MSH4: variants seen among roughly 807,000 people sequenced by gnomAD.
MSH4 encodes mutS protein homolog 4.
A neutral mutation model predicts 113.7 loss-of-function variants in MSH4; 106 were observed. The observed-to-expected ratio is 0.93, with a 90% CI of 0.80 to 1.10. The LOEUF is 1.10. Among genes scored for constraint, MSH4 ranks in the 50% least tolerant of loss-of-function variants. MSH4 has a pLI of 0.00. For missense variants in MSH4, 1,061 were observed against 1,093.7 expected, an observed-to-expected ratio of 0.97 and a Z score of 0.42; for synonymous variants, 368 against 380.2, an observed-to-expected ratio of 0.97 and a Z score of 0.37.
intron 1 of MSH4, 98 bp from the exon 2 acceptor site, chr1:75,803,632 GA>G (rs1038253119): frequency 1.6e-5 from 15 of 938,698 alleles, no homozygotes; most frequent in Admixed American, 1.2e-4. Flanking sequence ...AAGAAAAAAA[GA>G]AAAAAAAGGA....
intron 19 of MSH4, among the ~76,000 whole-genome samples, chr1:75,906,265 C>T (rs969233309): frequency 3.3e-5 from 5 of 149,774 alleles, no homozygotes; most frequent in Non-Finnish European, 7.4e-5. Flanking sequence ...ACTCTTATGT[C>T]TTTTAATTGG....
chr1:75,853,728 C>G (rs1651247399), intron 8 of MSH4, among the ~76,000 whole-genome samples: 1 of 151,926 alleles, frequency 6.6e-6, no homozygotes, highest in Admixed American at 6.6e-5. Context: ...CTCACATTGT[C>G]TCAGATTTGA....
At chr1:75,891,750 G>C (rs1652259364) in intron 17 of MSH4, among the ~76,000 whole-genome samples, 1 of 152,064 alleles carries the variant, frequency 6.6e-6, no homozygotes. Flanking sequence ...GTCATGCCCA[G>C]CTCGTAATGA....
chr1:75,832,794 T>C (rs1650732379), intron 7 of MSH4, among the ~76,000 whole-genome samples: 1 of 152,090 alleles, frequency 6.6e-6, no homozygotes, highest in Non-Finnish European at 1.5e-5. Context: ...CTCAAAATAA[T>C]AATAGCTATT....
chr1:75,829,186 G>C (rs978932241), intron 7 of MSH4, among the ~76,000 whole-genome samples: 1 of 152,190 alleles, frequency 6.6e-6, no homozygotes, highest in Non-Finnish European at 1.5e-5. Flanking sequence ...CTCGCTCACT[G>C]CTAGCACAGC....
At chr1:75,902,944 A>T (rs992615871) in intron 19 of MSH4, among the ~76,000 whole-genome samples, 2 of 149,684 alleles carry the variant, frequency 1.3e-5, no homozygotes, top group African/African-American at 2.4e-5. Context: ...ATTTTGCTTA[A>T]TTTGGTTGTC....
chr1:75,883,433 G>A (rs1372346250), intron 14 of MSH4, among the ~76,000 whole-genome samples, 188 bp from the exon 15 acceptor site: 1 of 151,942 alleles, frequency 6.6e-6, no homozygotes, highest in Non-Finnish European at 1.5e-5. Context: ...TTGTGATAGT[G>A]ATTAGAGTGT....
intron 4 of MSH4, among the ~76,000 whole-genome samples, chr1:75,814,425 G>A (rs762269409): frequency 7.6e-5 from 10 of 131,852 alleles, no homozygotes; most frequent in African/African-American, 8.9e-5. Flanking sequence ...TGATCATGCC[G>A]CTGTATTCCA....
chr1:75,889,354 G>A lies in MSH4; in HGVS notation c.2211G>A (p.Met737Ile). The A allele has an allele frequency of 1.4e-6, 2 of 1,438,198 alleles. No individual in the cohort carries two copies. Among genetic ancestry groups the A allele is most frequent in the South Asian group, 1.3e-5 (1 of 79,332 alleles). 89.1% of individuals were successfully genotyped at this position (1,438,198 alleles called of 1,614,324 possible). The change falls in exon 16 of 20, where the codon ATG becomes ATA. Residue 737 changes from methionine (M) to isoleucine (I), a missense_variant. Met to Ile is a conservative substitution (Grantham distance 10). Coordinates refer to ENST00000263187, the MANE Select transcript of MSH4 (RefSeq NM_002440.4). ...TCGAAACAAATTCATCAACATTTAT[G>A]AAAGAAATGAAAGAGGTACCCAAAC... is the stretch of plus-strand genomic sequence containing the variant. ...DDIETNSSTF[M>I]KEMKEIAYIL...
intron 17 of MSH4, 125 bp downstream of exon 17, chr1:75,890,949 G>A (rs1255885045): frequency 1.3e-5 from 11 of 861,382 alleles, no homozygotes; most frequent in South Asian, 6.3e-5. Context: ...ACATATCATC[G>A]CATTTATATT....
chr1:75,906,591 AT>A (rs1255827430), intron 19 of MSH4, among the ~76,000 whole-genome samples: 1 of 95,080 alleles, frequency 1.1e-5, no homozygotes, highest in East Asian at 2.6e-4. Flanking sequence ...ATATATTTTA[AT>A]TTATGATTTT....
At chr1:75,880,642 T>C (rs965617141) in intron 13 of MSH4, among the ~76,000 whole-genome samples, 1 of 152,142 alleles carries the variant, frequency 6.6e-6, no homozygotes, top group Non-Finnish European at 1.5e-5. Flanking sequence ...TCAAGGCATG[T>C]ACCACCAACA....
intron 8 of MSH4, among the ~76,000 whole-genome samples, chr1:75,867,207 C>T (rs1008040357): frequency 2.0e-5 from 3 of 152,126 alleles, no homozygotes; most frequent in African/African-American, 7.2e-5. Context: ...TCTCTTGGTG[C>T]TGCTCAGGAT....
At chr1:75,851,450 C>T (rs1651185064) in intron 8 of MSH4, among the ~76,000 whole-genome samples, 2 of 152,032 alleles carry the variant, frequency 1.3e-5, no homozygotes, top group South Asian at 4.1e-4. Flanking sequence ...CTTGCTCTGT[C>T]ACCCAGGCTG....
intron 9 of MSH4, among the ~76,000 whole-genome samples, chr1:75,874,047 A>G (rs1651766007): frequency 6.6e-6 from 1 of 152,190 alleles, no homozygotes; most frequent in Non-Finnish European, 1.5e-5. Flanking sequence ...CCAACAGTGT[A>G]TAAATGTTCT....
rs537420015 is a variant in MSH4, at chr1:75,859,456, G to A, written c.1231-8058G>A. ...AAATGTGTCCCAGAGATTCTGGTAC[G>A]TTGTGTCTTTGTTCTCACTGGTTTC... On this transcript the variant is annotated intron_variant, in intron 8 of 19. Coordinates refer to ENST00000263187, the MANE Select transcript of MSH4 (RefSeq NM_002440.4). Among the ~76,000 whole-genome samples the A allele has an allele frequency of 8.5e-5, 13 of 152,292 alleles. No individual in the cohort carries two copies. In the South Asian group the frequency reaches 2.1e-3, roughly 24 times the overall value.
intron 15 of MSH4, among the ~76,000 whole-genome samples, chr1:75,884,651 C>T (rs1652020296): frequency 6.6e-6 from 1 of 151,992 alleles, no homozygotes; most frequent in Admixed American, 6.6e-5. Flanking sequence ...TACACACACA[C>T]ATAAGAAAGA....
chr1:75,828,879 A>G (rs559168705), intron 7 of MSH4, among the ~76,000 whole-genome samples: 325 of 152,300 alleles, frequency 2.1e-3, no homozygotes, highest in Non-Finnish European at 3.7e-3. Context: ...AGCTCCCAGC[A>G]TGAGCAACAC....
intron 8 of MSH4, among the ~76,000 whole-genome samples, chr1:75,856,274 C>T (rs902103872): frequency 6.6e-6 from 1 of 151,842 alleles, no homozygotes; most frequent in Admixed American, 6.6e-5. Context: ...ACTTCCCATC[C>T]TTTTTTCTTT....
Sources: gnomAD v4.1 joint callset for allele counts (sites outside exome capture counted in the v4.1 genomes callset) on GRCh38, gnomAD v4.1.1 for gene constraint, MANE v1.5 for transcripts, NCBI Gene and HGNC (gene_info 2026-07-23, HGNC 2026-07-21) for gene names.